The following PCDHA7 variants were observed in gnomAD, a reference collection of about 807,000 sequenced individuals.
The protein encoded by PCDHA7 is protocadherin alpha-7.
In PCDHA7, 37 loss-of-function variants were observed where a neutral mutation model predicts 57.2. The observed-to-expected ratio is 0.65, with a 90% CI of 0.50 to 0.85. PCDHA7 has a LOEUF of 0.85. Ranked by LOEUF, PCDHA7 falls within the 40% of genes least tolerant of loss-of-function variation. The pLI, the probability that PCDHA7 is intolerant of heterozygous loss-of-function variation, is 0.00. For missense variants in PCDHA7, 1,188 were observed against 1,241.8 expected (o/e 0.96, Z 0.65); for synonymous variants, 553 against 558.8 (o/e 0.99, Z 0.15).
At chr5:141,007,977 T>A (rs564286183) in intron 3 of PCDHA7, among the ~76,000 whole-genome samples, 20 of 152,362 alleles carry the variant, frequency 1.3e-4, no homozygotes, top group African/African-American at 4.8e-4. Flanking sequence ...GTCTGTCATG[T>A]ATATATGAAA....
chr5:140,907,114 G>A (rs1422379312), intron 1 of PCDHA7, among the ~76,000 whole-genome samples: 1 of 152,164 alleles, frequency 6.6e-6, no homozygotes, highest in Non-Finnish European at 1.5e-5. Context: ...TCCACCCCTT[G>A]ATTCCTGGAC....
At chr5:140,926,268 T>A (rs1166651492) in intron 1 of PCDHA7, 1 of 152,208 alleles carries the variant, frequency 6.6e-6, no homozygotes, top group Non-Finnish European at 1.5e-5. Context: ...TCTCGCCGCC[T>A]CCGCTCGGCA....
At chr5:140,867,604 A>C (rs1420460822) in intron 1 of PCDHA7, 1 of 152,164 alleles carries the variant, frequency 6.6e-6, no homozygotes, top group Non-Finnish European at 1.5e-5. Flanking sequence ...GAGATAAACC[A>C]TCAAAACTAT....
chr5:140,944,316 T>G (rs140163712), intron 1 of PCDHA7, among the ~76,000 whole-genome samples: 1 of 151,958 alleles, frequency 6.6e-6, no homozygotes, highest in Non-Finnish European at 1.5e-5. Context: ...GCCTCCTGAG[T>G]AGCTGGGATT....
At chr5:140,921,663 T>G (rs1427342485) in intron 1 of PCDHA7, among the ~76,000 whole-genome samples, 1 of 152,144 alleles carries the variant, frequency 6.6e-6, no homozygotes, top group Admixed American at 6.5e-5. Flanking sequence ...TAATAAAAAT[T>G]TAACAGTTAT....
Position 140,834,600 on chromosome 5 carries a change from G to T in PCDHA7, c.217G>T (p.Asp73Tyr). ...LFRAVCKFRG[D>Y]LLEVNLQNGI... is the part of the protein sequence containing the mutation. ...CCGGGCGGTGTGCAAATTCCGTGGG[G>T]ATCTTCTGGAGGTAAATCTGCAGAA... Residue 73 changes from aspartate to tyrosine, a missense_variant, in exon 1 of 4, where the codon GAT becomes TAT. Physicochemically the swap from Asp to Tyr is radical, Grantham distance 160. Coordinates refer to ENST00000525929, the MANE Select transcript of PCDHA7 (RefSeq NM_018910.3). 6.2e-7 allele frequency: 1 copy of T among 1,614,148 alleles called. No individual in the cohort carries two copies. Among genetic ancestry groups the T allele is most frequent in the Non-Finnish European group, 8.5e-7 (1 of 1,180,010 alleles).
intron 1 of PCDHA7, among the ~76,000 whole-genome samples, chr5:140,917,523 G>A (rs1201312809): frequency 2.0e-5 from 3 of 152,182 alleles, no homozygotes; most frequent in Non-Finnish European, 4.4e-5. Context: ...TTATTCTACG[G>A]TTTGTATAGT....
chr5:140,928,778 C>G (rs564618368), intron 1 of PCDHA7: 3 of 1,614,136 alleles, frequency 1.9e-6, no homozygotes, highest in East Asian at 4.5e-5. Context: ...CCCACTGATG[C>G]AGTTAAGCAG....
intron 2 of PCDHA7, among the ~76,000 whole-genome samples, chr5:140,979,916 A>C (rs369427870): frequency 4.1e-4 from 63 of 152,376 alleles, no homozygotes; most frequent in African/African-American, 1.4e-3. Context: ...CGTAAAGAGA[A>C]AGCCTACAAA....
At chr5:140,912,690 A>AG (rs2076029112) in intron 1 of PCDHA7, among the ~76,000 whole-genome samples, 1 of 152,192 alleles carries the variant, frequency 6.6e-6, no homozygotes, top group African/African-American at 2.4e-5. Flanking sequence ...TCCAGGTCTC[A>AG]GGGGGAATGC....
intron 1 of PCDHA7, among the ~76,000 whole-genome samples, chr5:140,896,646 G>C (rs1330006792): frequency 6.6e-6 from 1 of 152,078 alleles, no homozygotes; most frequent in Non-Finnish European, 1.5e-5. Flanking sequence ...CAAAGTGCTA[G>C]TATTACAGGC....
intron 1 of PCDHA7, among the ~76,000 whole-genome samples, chr5:140,890,373 T>A (rs868994302): frequency 2.4e-4 from 37 of 152,196 alleles, no homozygotes; most frequent in African/African-American, 7.5e-4. Context: ...CCTGAACAAG[T>A]ACTCTTTCTT....
chr5:140,950,070 A>G (rs2094446713), intron 1 of PCDHA7, among the ~76,000 whole-genome samples: 1 of 151,890 alleles, frequency 6.6e-6, no homozygotes, highest in Non-Finnish European at 1.5e-5. Flanking sequence ...TTCCTGTGCC[A>G]TTGCTTATGC....
intron 1 of PCDHA7, chr5:140,927,928 T>C: frequency 6.2e-7 from 1 of 1,614,214 alleles, no homozygotes; most frequent in Non-Finnish European, 8.5e-7. Context: ...CCTGACTCTT[T>C]CGAACCCAGT....
rs140234108 is a variant in PCDHA7, at chr5:140,845,054, G to A, written c.2355+8316G>A. 4.2e-4 allele frequency among the ~76,000 whole-genome samples: 62 copies of A among 149,352 alleles called. 3 individuals are homozygous for A. The highest frequency in any genetic ancestry group is 7.5e-4 in the Non-Finnish European group (50 of 66,646). ...ATTTTAGCCCCCTTGTCCAACTGAA[G>A]GTAACCTCAAAGCAGCATTGTTTTG... On this transcript the variant is annotated intron_variant, in intron 1 of 3. Transcript: ENST00000525929.
At chr5:140,930,842 T>C (rs183476886) in intron 1 of PCDHA7, among the ~76,000 whole-genome samples, 1 of 152,338 alleles carries the variant, frequency 6.6e-6, no homozygotes, top group Admixed American at 6.5e-5. Flanking sequence ...TGAATAAATA[T>C]GTGCATATAT....
chr5:140,855,670 T>G (rs1581372681), intron 1 of PCDHA7, among the ~76,000 whole-genome samples: 2 of 149,924 alleles, frequency 1.3e-5, no homozygotes, highest in African/African-American at 4.9e-5. Context: ...ATCACTACTC[T>G]GAGAGTCTAC....
chr5:140,850,218 G>T, intron 1 of PCDHA7: 1 of 1,593,686 alleles, frequency 6.3e-7, no homozygotes. Context: ...GGGCACTGAC[G>T]GCGCAGTGAG....
intron 1 of PCDHA7, chr5:140,857,893 T>A (rs781996912): frequency 6.3e-7 from 1 of 1,596,578 alleles, no homozygotes; most frequent in South Asian, 1.1e-5. Flanking sequence ...CGGCGGCGGT[T>A]GGTGCACGCA....
Sources: allele counts gnomAD v4.1 joint callset (sites outside exome capture counted in the v4.1 genomes callset), GRCh38; gene constraint gnomAD v4.1.1; transcripts MANE v1.5; gene names NCBI Gene and HGNC (gene_info 2026-07-23, HGNC 2026-07-21).